The following UBFD1 variants were observed in gnomAD, a reference collection of about 807,000 sequenced individuals.
UBFD1 encodes the protein ubiquitin family domain containing 1, also known as ubiquitin domain-containing protein UBFD1.
UBFD1 carries 12 observed loss-of-function variants against 35.1 expected under a neutral mutation model. The ratio of observed to expected loss-of-function variants is 0.34; its 90% CI spans 0.22 to 0.55. The LOEUF (loss-of-function observed/expected upper bound fraction) is 0.55, where lower values mean the gene tolerates loss of function less well. UBFD1 is among the 20% of genes least tolerant of loss of function. UBFD1 has a pLI of 0.89. For synonymous variants in UBFD1, 178 were observed against 167.6 expected (o/e 1.06, Z -0.48); for missense variants, 337 against 410.8 (o/e 0.82, Z 1.55).
At chr16:23,566,566 T>G (rs1215591198) in intron 5 of UBFD1, 1 of 156,282 alleles carries the variant, frequency 6.4e-6, no homozygotes, top group Non-Finnish European at 1.4e-5. Context: ...TTCACCATGC[T>G]GGCCAGGCTG....
rs1022537438 is a variant in UBFD1 at position 23,557,976 on chromosome 16, G to A, written c.52G>A (p.Glu18Lys). 2 of 1,366,054 alleles carry A rather than the reference G, an allele frequency of 1.5e-6. No individual in the cohort carries two copies. The highest frequency in any genetic ancestry group is 3.2e-5 in the Admixed American group (1 of 31,062). 84.6% of individuals were successfully genotyped at this position (1,366,054 alleles called of 1,614,324 possible). A position where few individuals can be genotyped will look rare whatever the true frequency, so the allele number is the denominator to read the frequency against. The change falls in exon 2 of 7, where the codon GAG (glutamate) becomes AAG (lysine). Residue 18 changes from glutamate to lysine, a missense_variant. Glu to Lys is a moderately conservative substitution (Grantham distance 56). Transcript: ENST00000395878. ...DGMEEPGMDT[E>K]AETVATEAPA... ...CATGGAGGAACCTGGCATGGACACG[G>A]AGGCCGAGACTGTGGCTACTGAGGC...
rs139660088 is a variant in UBFD1 at position 23,571,313 on chromosome 16, C to A, written c.*723C>A. ...CAGTCTTGGGCAAGGAGCTCTCACA[C>A]TTGCTGTGGTGTTCGTTGAGCAGCA... On this transcript the variant is annotated 3_prime_UTR_variant, in exon 7 of 7. Transcript: ENST00000395878. 3.3e-5 allele frequency: 5 copies of A among 152,848 alleles called. No individual in the cohort carries two copies. Among genetic ancestry groups the A allele is most frequent in the Admixed American group, 1.3e-4 (2 of 15,314 alleles). 9.5% of individuals were successfully genotyped at this position (152,848 alleles called of 1,614,324 possible).
At chr16:23,562,822 T>A in intron 5 of UBFD1, 92 bp downstream of exon 5, 2 of 1,079,584 alleles carry the variant, frequency 1.9e-6, no homozygotes, top group Non-Finnish European at 2.8e-6. Context: ...CCCCTCCTTC[T>A]GAAACCTCTC....
In UBFD1 at chr16:23,561,931, A is replaced by G. The variant is rs1277657116; in HGVS notation, c.565-275A>G. On this transcript the variant is annotated intron_variant, in intron 3 of 6. Coordinates refer to ENST00000395878, the MANE Select transcript of UBFD1 (RefSeq NM_019116.3). ...TCCACATGTGGCTGGTTAAAATGAA[A>G]TTAAGAATTCAGTTCCTCAGTCATA... 5 of 340,676 alleles carry G rather than the reference A, an allele frequency of 1.5e-5. No individual in the cohort carries two copies. In the East Asian group the frequency reaches 1.8e-4, roughly 12 times the overall value. 21.1% of individuals were successfully genotyped at this position (340,676 alleles called of 1,614,324 possible). A position where few individuals can be genotyped will look rare whatever the true frequency, so the allele number is the denominator to read the frequency against.
intron 6 of UBFD1, 116 bp downstream of exon 6, chr16:23,567,185 T>A (rs1227301652): frequency 1.9e-5 from 17 of 906,142 alleles, no homozygotes; most frequent in Non-Finnish European, 2.7e-5. Flanking sequence ...GAAGATGCAC[T>A]TTTTTAAGAC....
At position 23,563,849 on chromosome 16, in the gene UBFD1, A is replaced by C. The variant is rs148181156; in HGVS notation, c.736+1119A>C. Reference sequence around the variant, plus strand: ...TTGCTCATGCTGTGCCCTTACCTGGAATGCCTTTTTCCCATTCCTTGTTAT... The same window carrying C: ...TTGCTCATGCTGTGCCCTTACCTGGCATGCCTTTTTCCCATTCCTTGTTAT... On this transcript the variant is annotated intron_variant, in intron 5 of 6. Transcript: ENST00000395878. Among the ~76,000 whole-genome samples the C allele has an allele frequency of 6.4e-4, 97 of 152,276 alleles. 1 individual carries two copies. Among genetic ancestry groups the C allele is most frequent in the African/African-American group, 2.3e-3 (94 of 41,574 alleles).
chr16:23,568,387 T>C (rs914753495), intron 6 of UBFD1, among the ~76,000 whole-genome samples: 2 of 151,286 alleles, frequency 1.3e-5, no homozygotes, highest in African/African-American at 4.8e-5. Context: ...CTCAATCTCT[T>C]GACCTGGCGA....
Position 23,571,964 on chromosome 16 carries a change from T to C in UBFD1, c.*1374T>C, listed in dbSNP as rs565777689. ...GTCTTTGCAGTTCTCCTCTCACTGG[T>C]TGCAGGCTTTCATAGTAAGGTTTGG... On this transcript the variant is annotated 3_prime_UTR_variant, in exon 7 of 7. Transcript: ENST00000395878. 2 of 152,800 alleles carry C rather than the reference T, an allele frequency of 1.3e-5. No individual in the cohort carries two copies. Among genetic ancestry groups the C allele is most frequent in the African/African-American group, 4.8e-5 (2 of 41,584 alleles). The allele number at this position is 152,800 out of a possible 1,614,324, so 9.5% of individuals were successfully genotyped here.
chr16:23,570,375 T>C, intron 6 of UBFD1, 105 bp from the exon 7 acceptor site: 1 of 829,262 alleles, frequency 1.2e-6, no homozygotes, highest in South Asian at 1.6e-5. Flanking sequence ...TTGGTTTTTC[T>C]TCCCTTTTTA....
At position 23,559,651 on chromosome 16, in the gene UBFD1, A is replaced by G. The variant is rs1310037120; in HGVS notation, c.539A>G (p.Lys180Arg). 1.2e-6 allele frequency: 2 copies of G among 1,614,278 alleles called. No homozygotes were observed. The highest frequency in any genetic ancestry group is 1.7e-6 in the Non-Finnish European group (2 of 1,180,046). ...CAGGATGCAAAGGCCGAAGAGAACA[A>G]GAAGGAGCCTCTCTGCAGGCAGAAA... ...AQQDAKAEEN[K>R]KEPLCRQKQH... Residue 180 changes from lysine (K) to arginine (R), a missense_variant, in exon 3 of 7, where the codon AAG (lysine) becomes AGG (arginine). Coordinates refer to ENST00000395878, the MANE Select transcript of UBFD1 (RefSeq NM_019116.3).
Position 23,570,691 on chromosome 16 carries a change from C to G in UBFD1, c.*101C>G, listed in dbSNP as rs1966071336. Reference sequence around the variant, plus strand: ...GATTTCAGAGTTCTGGAACTTTGTTCATAAAAAATCTATATTCAATCTGAG... The same window carrying G: ...GATTTCAGAGTTCTGGAACTTTGTTGATAAAAAATCTATATTCAATCTGAG... On this transcript the variant is annotated 3_prime_UTR_variant, in exon 7 of 7. Coordinates refer to ENST00000395878, the MANE Select transcript of UBFD1 (RefSeq NM_019116.3). 1.1e-6 allele frequency: 1 copy of G among 949,210 alleles called. No homozygotes were observed. Among genetic ancestry groups the G allele is most frequent in the Non-Finnish European group, 1.6e-6 (1 of 622,280 alleles). The allele number at this position is 949,210 out of a possible 1,614,324, so 58.8% of individuals were successfully genotyped here. A position where few individuals can be genotyped will look rare whatever the true frequency, so the allele number is the denominator to read the frequency against.
Position 23,562,271 on chromosome 16 carries a change from G to A in UBFD1, c.630G>A (p.Gln210=), listed in dbSNP as rs1337867822. Residue 210 remains glutamine (Q), a splice_region_variant and synonymous_variant, in exon 4 of 7, where the codon CAG becomes CAA. Coordinates refer to ENST00000395878, the MANE Select transcript of UBFD1 (RefSeq NM_019116.3). ...TGATGCCATCTGTTAAGGGGGCCCA[G>A]GTAAGGCGGATTTCTTTGTGAGCAT... ...EDVMPSVKGA[Q]ERLPTVPLSG... The A allele has an allele frequency of 6.2e-7, 1 of 1,613,732 alleles. No homozygotes were observed. Among genetic ancestry groups the A allele is most frequent in the Non-Finnish European group, 8.5e-7 (1 of 1,179,916 alleles).
At chr16:23,567,209 TC>T in intron 6 of UBFD1, 140 bp downstream of exon 6, 1 of 738,846 alleles carries the variant, frequency 1.4e-6, no homozygotes. Context: ...GATGTTTTCT[TC>T]ATCTACTTAG....
At chr16:23,570,273 G>A (rs541017752) in intron 6 of UBFD1, among the ~76,000 whole-genome samples, 3 of 152,296 alleles carry the variant, frequency 2.0e-5, no homozygotes, top group African/African-American at 7.2e-5. Context: ...TCAGGTTTGA[G>A]AACTGCTGCT....
chr16:23,557,864 C>T (rs1954272036), intron 1 of UBFD1, 86 bp from the exon 2 acceptor site: 1 of 1,272,590 alleles, frequency 7.9e-7, no homozygotes, highest in Non-Finnish European at 9.9e-7. Context: ...AACCGCGGCT[C>T]GGGAACGGAG....
chr16:23,561,372 C>T (rs1046300803), intron 3 of UBFD1, among the ~76,000 whole-genome samples: 3 of 152,326 alleles, frequency 2.0e-5, no homozygotes, highest in South Asian at 4.1e-4. Context: ...TAGTTCCAGC[C>T]TTCCAAGCAG....
At chr16:23,560,241 T>G (rs540795913) in intron 3 of UBFD1, among the ~76,000 whole-genome samples, 2 of 152,358 alleles carry the variant, frequency 1.3e-5, no homozygotes, top group African/African-American at 4.8e-5. Context: ...TCTGTTCTTT[T>G]GGCTGCAAGA....
intron 6 of UBFD1, 68 bp from the exon 7 acceptor site, chr16:23,570,412 A>G: frequency 8.8e-7 from 1 of 1,135,684 alleles, no homozygotes; most frequent in South Asian, 1.3e-5. Context: ...ACCCTCACCC[A>G]TGTTTGTCCT....
chr16:23,570,395 C>A, intron 6 of UBFD1, 85 bp from the exon 7 acceptor site: 2 of 946,288 alleles, frequency 2.1e-6, no homozygotes, highest in Non-Finnish European at 1.7e-6. Flanking sequence ...AATTAACTCA[C>A]ATCCCAACCC....
Sources: allele counts gnomAD v4.1 joint callset (sites outside exome capture counted in the v4.1 genomes callset), GRCh38; gene constraint gnomAD v4.1.1; transcripts MANE v1.5; gene names NCBI Gene and HGNC (gene_info 2026-07-23, HGNC 2026-07-21).